NT5DC4: variants seen among roughly 807,000 people sequenced by gnomAD.
NT5DC4 encodes 5'-nucleotidase domain containing 4.
A neutral mutation model predicts 26.6 loss-of-function variants in NT5DC4; 44 were observed. The observed-to-expected ratio is 1.65, with a 90% CI of 1.30 to 2.13. The LOEUF (loss-of-function observed/expected upper bound fraction) is 2.13. Ranked by LOEUF, NT5DC4 falls within the 30% of genes most tolerant of loss-of-function variation. The probability of loss-of-function intolerance (pLI) is 0.00; values close to 1 mark genes in which losing one functional copy is unlikely to be tolerated. For synonymous variants in NT5DC4, 157 were observed against 86.7 expected (o/e 1.81, Z -4.51); for missense variants, 399 against 228.1 (o/e 1.75, Z -4.83).
intron 16 of NT5DC4, among the ~76,000 whole-genome samples, chr2:112,733,672 C>T (rs1473286916): frequency 6.6e-6 from 1 of 152,202 alleles, no homozygotes; most frequent in African/African-American, 2.4e-5. Context: ...AGTAGATTAG[C>T]ATTGGGCTGT....
At chr2:112,720,893 G>C (rs1676807938), upstream of NT5DC4, among the ~76,000 whole-genome samples, 1 of 152,220 alleles carries the variant, frequency 6.6e-6, no homozygotes, top group South Asian at 2.1e-4. Context: ...GAAAAGGATG[G>C]GATACCAGAG....
chr2:112,725,384 T>C lies in NT5DC4; in HGVS notation c.985T>C (p.Ser329Pro). 1.4e-6 allele frequency: 1 copy of C among 702,750 alleles called. No individual in the cohort carries two copies. Among genetic ancestry groups the C allele is most frequent in the South Asian group, 1.5e-5 (1 of 67,082 alleles). 43.5% of individuals were successfully genotyped at this position (702,750 alleles called of 1,614,324 possible). ...HQHCAVYSGG[S>P]SDMVCELLGV... ...CTGTCCTCCCCTTGGTGGGGCAGGC[T>C]CTTCGGACATGGTGTGCGAGCTGCT... The change falls in exon 13 of 17, where the codon TCT becomes CCT. Residue 329 changes from serine (S) to proline (P), a missense_variant and splice_region_variant. Coordinates refer to ENST00000688554, the MANE Select transcript of NT5DC4 (RefSeq NM_001393655.1).
upstream of NT5DC4, among the ~76,000 whole-genome samples, chr2:112,719,972 TTCTTTCTTTC>T (rs1558715504): frequency 4.1e-5 from 4 of 96,970 alleles, no homozygotes; most frequent in Admixed American, 1.0e-4. Flanking sequence ...CTTTCTTTCT[TTCTTTCTTTC>T]TTTCTTTTTC....
downstream of NT5DC4, among the ~76,000 whole-genome samples, chr2:112,741,563 C>T (rs1014072369): frequency 6.6e-6 from 1 of 152,200 alleles, no homozygotes; most frequent in African/African-American, 2.4e-5. Flanking sequence ...GGCTGACACC[C>T]TAAGTGAGGT....
chr2:112,741,269 ACT>A (rs1391499643), downstream of NT5DC4, among the ~76,000 whole-genome samples: 1 of 151,314 alleles, frequency 6.6e-6, no homozygotes, highest in African/African-American at 2.4e-5. Flanking sequence ...CCCTTTCAAG[ACT>A]CTGAACATAT....
Position 112,722,291 on chromosome 2 carries a change from G to T in NT5DC4, c.362+13G>T, listed in dbSNP as rs976777664. 2 of 716,942 alleles carry T rather than the reference G, an allele frequency of 2.8e-6. No individual in the cohort carries two copies. Among genetic ancestry groups the T allele is most frequent in the Non-Finnish European group, 2.6e-6 (1 of 385,092 alleles). The allele number at this position is 716,942 out of a possible 1,614,324, so 44.4% of individuals were successfully genotyped here. ...CCTTCCTCTCGGAGTAAGGGACAAAGGTGCCGGGAGAGTGGCAGGCCAGGA... is the reference window on the plus strand; with the variant it reads ...CCTTCCTCTCGGAGTAAGGGACAAATGTGCCGGGAGAGTGGCAGGCCAGGA... On this transcript the variant is annotated intron_variant, in intron 4 of 16. Coordinates refer to ENST00000688554, the MANE Select transcript of NT5DC4 (RefSeq NM_001393655.1).
intron 16 of NT5DC4, among the ~76,000 whole-genome samples, chr2:112,734,510 A>G (rs1678851802): frequency 6.6e-6 from 1 of 152,200 alleles, no homozygotes; most frequent in Admixed American, 6.5e-5. Context: ...CTTTCTAATG[A>G]AAGTCTGGGA....
chr2:112,725,729 G>A (rs549045869), intron 13 of NT5DC4, among the ~76,000 whole-genome samples, 177 bp downstream of exon 13: 3 of 152,230 alleles, frequency 2.0e-5, no homozygotes, highest in Non-Finnish European at 4.4e-5. Flanking sequence ...GAGGCTAAGC[G>A]GCCTGCCCGA....
At chr2:112,731,251 T>C (rs1280893518) in intron 16 of NT5DC4, 1 of 151,972 alleles carries the variant, frequency 6.6e-6, no homozygotes, top group Non-Finnish European at 1.5e-5. Flanking sequence ...GCAGCAGATT[T>C]GGAGCCTGCA....
At chr2:112,738,570 G>C in intron 16 of NT5DC4, 1 of 483,980 alleles carries the variant, frequency 2.1e-6, no homozygotes, top group Non-Finnish European at 3.7e-6. Flanking sequence ...ATTTATCATA[G>C]TTGTAGGGTA....
At chr2:112,736,431 T>C (rs1679179788) in intron 16 of NT5DC4, among the ~76,000 whole-genome samples, 1 of 151,820 alleles carries the variant, frequency 6.6e-6, no homozygotes, top group Admixed American at 6.5e-5. Flanking sequence ...ATAAAATGGC[T>C]GCTATAGTGA....
At chr2:112,734,698 CTTTT>C (rs979495325) in intron 16 of NT5DC4, among the ~76,000 whole-genome samples, 1 of 152,016 alleles carries the variant, frequency 6.6e-6, no homozygotes, top group African/African-American at 2.4e-5. Flanking sequence ...AATTGGGGTG[CTTTT>C]TTTGTGAGAC....
intron 16 of NT5DC4, among the ~76,000 whole-genome samples, chr2:112,734,041 C>G (rs1678773399): frequency 6.6e-6 from 1 of 152,070 alleles, no homozygotes; most frequent in Non-Finnish European, 1.5e-5. Flanking sequence ...AATTGCAGGA[C>G]TGACATTTAT....
chr2:112,737,870 G>A (rs1679427710), intron 16 of NT5DC4: 1 of 152,054 alleles, frequency 6.6e-6, no homozygotes, highest in Admixed American at 6.5e-5. Flanking sequence ...AAACAAGCAG[G>A]AACTAATAGA....
rs977057783 is a variant in NT5DC4 at position 112,723,456 on chromosome 2, T to C, written c.660T>C (p.Tyr220=). The C allele has an allele frequency of 3.9e-5, 28 of 716,888 alleles. No homozygotes were observed. In the African/African-American group the frequency reaches 4.0e-4, roughly 10 times the overall value. 44.4% of individuals were successfully genotyped at this position (716,888 alleles called of 1,614,324 possible). A position where few individuals can be genotyped will look rare whatever the true frequency, so the allele number is the denominator to read the frequency against. The change falls in exon 8 of 17, where the codon TAT becomes TAC. Residue 220 remains tyrosine (Y), a synonymous_variant. Transcript: ENST00000688554. ...LKKTLEDLEK[Y]VKKDPRLPIL... ...AGACCCTGGAGGACTTGGAGAAATA[T>C]GTGAAGAAGGATGTGAGTGGCCACA...
intron 16 of NT5DC4, among the ~76,000 whole-genome samples, chr2:112,732,817 C>T (rs898033595): frequency 5.9e-5 from 9 of 152,160 alleles, no homozygotes; most frequent in African/African-American, 1.7e-4. Context: ...CTGTTACCTC[C>T]GCTCTCCCCT....
rs1235364818 is a variant in NT5DC4 at position 112,723,483 on chromosome 2, AC to A, written c.672+18del. ...TGAAGAAGGATGTGAGTGGCCACAG[AC>A]CCAGGGCCATGGCCATCACCCCCAA... On this transcript the variant is annotated intron_variant, in intron 8 of 16. Coordinates refer to ENST00000688554, the MANE Select transcript of NT5DC4 (RefSeq NM_001393655.1). 1.4e-6 allele frequency: 1 copy of A among 716,844 alleles called. No individual in the cohort carries two copies. Among genetic ancestry groups the A allele is most frequent in the Admixed American group, 2.0e-5 (1 of 49,960 alleles). The allele number at this position is 716,844 out of a possible 1,614,324, so 44.4% of individuals were successfully genotyped here. A position where few individuals can be genotyped will look rare whatever the true frequency, so the allele number is the denominator to read the frequency against.
chr2:112,726,401 AG>A (rs1677721189), intron 14 of NT5DC4, 112 bp downstream of exon 14: 1 of 695,214 alleles, frequency 1.4e-6, no homozygotes, highest in African/African-American at 1.8e-5. Flanking sequence ...CAGAACATCA[AG>A]ATCTGTTTCA....
intron 16 of NT5DC4, chr2:112,738,635 AAC>A: frequency 1.7e-6 from 1 of 596,540 alleles, no homozygotes; most frequent in Non-Finnish European, 3.0e-6. Context: ...ACTGGTCTTA[AAC>A]ACATAAAGCA....
Sources: allele counts gnomAD v4.1 joint callset (sites outside exome capture counted in the v4.1 genomes callset), GRCh38; gene constraint gnomAD v4.1.1; transcripts MANE v1.5; gene names NCBI Gene and HGNC (gene_info 2026-07-23, HGNC 2026-07-21).